Variants in PECAM1 observed in about 807,000 individuals in gnomAD.
The protein encoded by PECAM1 is platelet and endothelial cell adhesion molecule 1, also known as platelet endothelial cell adhesion molecule.
PECAM1 carries 8 observed loss-of-function variants against 13.8 expected under a neutral mutation model. The ratio of observed to expected loss-of-function variants is 0.58; its 90% confidence interval spans 0.34 to 1.05. The LOEUF is 1.05. Ranked by LOEUF, PECAM1 falls within the 50% of genes least tolerant of loss-of-function variation. PECAM1 has a pLI of 0.03. For synonymous variants in PECAM1, 136 were observed against 52.6 expected (o/e 2.58, Z -6.86); for missense variants, 304 against 141.2 (o/e 2.15, Z -5.84).
In PECAM1 at chr17:64,319,716, C is replaced by A. The variant is rs571510050; in HGVS notation, c.*4100G>T. 6.6e-6 allele frequency: 1 copy of A among 152,236 alleles called. No individual in the cohort carries two copies. The highest frequency in any genetic ancestry group is 6.5e-5 in the Admixed American group (1 of 15,282). 9.4% of individuals were successfully genotyped at this position (152,236 alleles called of 1,614,324 possible). On this transcript the variant is annotated 3_prime_UTR_variant, in exon 16 of 16. Transcript: ENST00000563924. Reference sequence around the variant, plus strand: ...GGCATTTTTCCCCTTACCAGTCGTGCGTTCCCAGAGGAAGGTAGGTCATAT... The same window carrying A: ...GGCATTTTTCCCCTTACCAGTCGTGAGTTCCCAGAGGAAGGTAGGTCATAT...
At chr17:64,370,940 A>G (rs1348625874) in intron 4 of PECAM1, among the ~76,000 whole-genome samples, 4 of 152,236 alleles carry the variant, frequency 2.6e-5, no homozygotes, top group African/African-American at 9.6e-5. Flanking sequence ...TATAAAGTCA[A>G]TTCATAATTA....
Position 64,319,571 on chromosome 17 carries a change from G to C in PECAM1, c.*4245C>G, listed in dbSNP as rs868940963. On this transcript the variant is annotated 3_prime_UTR_variant, in exon 16 of 16. Coordinates refer to ENST00000563924, the MANE Select transcript of PECAM1 (RefSeq NM_000442.5). ...TATTTGGCATAGTTCTGGGATTTAC[G>C]TCTCATCTCCCCTGATTCTTCCCTT... is the stretch of plus-strand genomic sequence containing the variant. 1 of 152,116 alleles carries C rather than the reference G, an allele frequency of 6.6e-6. No individual in the cohort carries two copies. Among genetic ancestry groups the C allele is most frequent in the Non-Finnish European group, 1.5e-5 (1 of 68,026 alleles). The allele number at this position is 152,116 out of a possible 1,614,324, so 9.4% of individuals were successfully genotyped here.
chr17:64,356,074 GC>G, intron 8 of PECAM1, 36 bp downstream of exon 8: 1 of 475,118 alleles, frequency 2.1e-6, no homozygotes. Context: ...GCCCTTGGGA[GC>G]CCACAGCACA....
At chr17:64,338,046 T>A (rs1236690837) in intron 14 of PECAM1, among the ~76,000 whole-genome samples, 1 of 151,072 alleles carries the variant, frequency 6.6e-6, no homozygotes, top group Non-Finnish European at 1.5e-5. Flanking sequence ...GAAAATTAAG[T>A]TTTTTGGAAC....
intron 6 of PECAM1, among the ~76,000 whole-genome samples, 167 bp from the exon 7 acceptor site, chr17:64,360,582 C>CTGTG (rs10589772): frequency 0.065 from 9,078 of 139,340 alleles, 373 homozygotes; most frequent in Non-Finnish European, 0.098. Flanking sequence ...GACTGACAGG[C>CTGTG]TGTGTGTGTG....
At chr17:64,380,327 T>C (rs1183685810) in intron 2 of PECAM1, among the ~76,000 whole-genome samples, 1 of 134,974 alleles carries the variant, frequency 7.4e-6, no homozygotes, top group Non-Finnish European at 1.6e-5. Flanking sequence ...AAACTCCATC[T>C]AAAAAAAATT....
intron 13 of PECAM1, among the ~76,000 whole-genome samples, chr17:64,346,133 C>T (rs1259698110): frequency 6.6e-6 from 1 of 152,144 alleles, no homozygotes; most frequent in Non-Finnish European, 1.5e-5. Flanking sequence ...TAGGTGGATG[C>T]AGCCTGGGGT....
At chr17:64,357,108 C>G (rs899972340) in intron 7 of PECAM1, among the ~76,000 whole-genome samples, 1 of 152,170 alleles carries the variant, frequency 6.6e-6, no homozygotes, top group African/African-American at 2.4e-5. Flanking sequence ...TCAGCTTTTT[C>G]TGGGCTTCTG....
At chr17:64,365,857 A>T (rs1212321808) in intron 5 of PECAM1, among the ~76,000 whole-genome samples, 2 of 150,854 alleles carry the variant, frequency 1.3e-5, no homozygotes, top group Non-Finnish European at 3.0e-5. Flanking sequence ...TTAGACCTAA[A>T]ACCATAAAAA....
chr17:64,363,730 T>C (rs1166434113), intron 5 of PECAM1, among the ~76,000 whole-genome samples: 1 of 152,074 alleles, frequency 6.6e-6, no homozygotes, highest in African/African-American at 2.4e-5. Context: ...GTGGATCACC[T>C]GAGGTCAGGA....
chr17:64,350,148 T>G (rs1382969438), intron 12 of PECAM1, among the ~76,000 whole-genome samples: 1 of 152,144 alleles, frequency 6.6e-6, no homozygotes, highest in Non-Finnish European at 1.5e-5. Flanking sequence ...GTTTTTTGAG[T>G]ATAACCCAGT....
rs996876302 is a variant in PECAM1 at position 64,363,155 on chromosome 17, C to T, written c.1210G>A (p.Val404Ile). Residue 404 changes from valine to isoleucine, a missense_variant, in exon 6 of 16, where the codon GTA becomes ATA. By Grantham distance (29) the Val-to-Ile change is conservative. Coordinates refer to ENST00000563924, the MANE Select transcript of PECAM1 (RefSeq NM_000442.5). The part of the protein sequence containing the change: ...VKKSNTVQIV[V>I]CEMLSQPRIS... Reference sequence around the variant, plus strand: ...TCAGCAACAATATACTCACCACATACGACTATCTGGACTGTGTTGCTTTTC... The same window carrying T: ...TCAGCAACAATATACTCACCACATATGACTATCTGGACTGTGTTGCTTTTC... 51 of 475,388 alleles carry T rather than the reference C, an allele frequency of 1.1e-4. No individual in the cohort carries two copies. The South Asian group carries it at 1.1e-3, about 11-fold the overall frequency. The allele number at this position is 475,388 out of a possible 1,614,324, so 29.4% of individuals were successfully genotyped here.
intron 2 of PECAM1, among the ~76,000 whole-genome samples, chr17:64,387,052 AG>A (rs2036609346): frequency 6.6e-6 from 1 of 152,168 alleles, no homozygotes. Context: ...CTCCAGGAGA[AG>A]ACAAAGTAAG....
intron 2 of PECAM1, among the ~76,000 whole-genome samples, chr17:64,381,439 G>T (rs1250547733): frequency 2.0e-5 from 3 of 151,996 alleles, no homozygotes; most frequent in African/African-American, 2.4e-5. Context: ...TTTTATAAGT[G>T]GTCCCAAGTC....
intron 14 of PECAM1, among the ~76,000 whole-genome samples, chr17:64,337,654 A>G (rs1185993702): frequency 7.4e-6 from 1 of 135,482 alleles, no homozygotes; most frequent in Non-Finnish European, 1.6e-5. Flanking sequence ...ATCCTACAAG[A>G]GTGGGTTCTA....
chr17:64,321,568 G>A lies in PECAM1; in HGVS notation c.*2248C>T. ...AGCCCAGAAGTTCGAGACCAGCCTG[G>A]GCACCATGGTGAAACCTCATCTCTG... On this transcript the variant is annotated 3_prime_UTR_variant, in exon 16 of 16. Coordinates refer to ENST00000563924, the MANE Select transcript of PECAM1 (RefSeq NM_000442.5). 1 of 557,872 alleles carries A rather than the reference G, an allele frequency of 1.8e-6. No individual in the cohort carries two copies. Among genetic ancestry groups the A allele is most frequent in the Non-Finnish European group, 2.4e-6 (1 of 416,446 alleles). 34.6% of individuals were successfully genotyped at this position (557,872 alleles called of 1,614,324 possible).
chr17:64,326,592 T>A (rs1348235041), intron 15 of PECAM1, among the ~76,000 whole-genome samples: 1 of 152,232 alleles, frequency 6.6e-6, no homozygotes, highest in East Asian at 1.9e-4. Flanking sequence ...GTGTCCAGCC[T>A]TTCTGTGGGC....
intron 13 of PECAM1, 137 bp from the exon 14 acceptor site, chr17:64,341,827 A>G: frequency 2.5e-6 from 1 of 398,204 alleles, no homozygotes; most frequent in Non-Finnish European, 4.5e-6. Context: ...CAGGTCCAGA[A>G]GCACCCAGAG....
chr17:64,343,055 C>G (rs1250701702), intron 13 of PECAM1, among the ~76,000 whole-genome samples: 1 of 152,178 alleles, frequency 6.6e-6, no homozygotes, highest in Non-Finnish European at 1.5e-5. Flanking sequence ...GCCCAGGAAG[C>G]CTCACTGTAG....
Sources: gnomAD v4.1 joint callset for allele counts (sites outside exome capture counted in the v4.1 genomes callset) on GRCh38, gnomAD v4.1.1 for gene constraint, MANE v1.5 for transcripts, NCBI Gene and HGNC (gene_info 2026-07-23, HGNC 2026-07-21) for gene names.